The following ZFHX3 variants were observed in gnomAD, a reference collection of about 807,000 sequenced individuals.
ZFHX3 encodes the protein zinc finger homeobox protein 3.
A neutral mutation model predicts 279.1 loss-of-function variants in ZFHX3; 42 were observed. The ratio of observed to expected loss-of-function variants is 0.15; its 90% CI spans 0.12 to 0.19. The LOEUF is 0.19. Ranked by LOEUF, ZFHX3 falls within the 10% of genes least tolerant of loss-of-function variation. ZFHX3 has a pLI of 1.00. For missense variants in ZFHX3, 4,981 were observed against 4,754.0 expected (o/e 1.05, Z -1.40); for synonymous variants, 2,293 against 1,957.8 (o/e 1.17, Z -4.52).
intron 4 of ZFHX3, among the ~76,000 whole-genome samples, chr16:73,272,371 G>T (rs540348057): frequency 6.6e-6 from 1 of 152,246 alleles, no homozygotes; most frequent in African/African-American, 2.4e-5. Flanking sequence ...CTGTTAGTCT[G>T]AAAAACAGCT....
chr16:73,264,159 T>C lies in ZFHX3; in HGVS notation c.-1193-7023A>G, dbSNP rs114753286. Among the ~76,000 whole-genome samples, 541 of 152,264 alleles carry C rather than the reference T, an allele frequency of 3.6e-3. 6 individuals carry two copies. The highest frequency in any genetic ancestry group is 0.012 in the African/African-American group (518 of 41,538). ...TCCAGCCTGGGCAACAGAGCAAGAC[T>C]CTATCTGCGGGGAAAAAAGGGCCTG... On this transcript the variant is annotated intron_variant, in intron 4 of 17. Transcript: ENST00000641206.
At chr16:73,562,200 G>A (rs1373732480) in intron 2 of ZFHX3, among the ~76,000 whole-genome samples, 1 of 152,162 alleles carries the variant, frequency 6.6e-6, no homozygotes, top group Non-Finnish European at 1.5e-5. Flanking sequence ...ACCTACCCTA[G>A]GAATTTCTCT....
chr16:73,044,455 T>C (rs748874791), intron 1 of ZFHX3, among the ~76,000 whole-genome samples: 3 of 152,240 alleles, frequency 2.0e-5, no homozygotes, highest in Non-Finnish European at 4.4e-5. Context: ...TTCAGGTTAC[T>C]GACAGGCATC....
intron 2 of ZFHX3, among the ~76,000 whole-genome samples, chr16:73,600,418 CTTT>C (rs34947000): frequency 5.9e-5 from 7 of 119,594 alleles, no homozygotes; most frequent in Admixed American, 8.9e-5. Context: ...GGTCTCTCTA[CTTT>C]TTTTTTTTTT....
intron 1 of ZFHX3, among the ~76,000 whole-genome samples, chr16:73,813,120 C>T (rs948814595): frequency 6.6e-6 from 1 of 152,140 alleles, no homozygotes; most frequent in African/African-American, 2.4e-5. Context: ...ATTCAGCTAC[C>T]ACACTAGGAA....
intron 5 of ZFHX3, among the ~76,000 whole-genome samples, chr16:73,161,135 G>A (rs559927640): frequency 6.6e-6 from 1 of 152,138 alleles, no homozygotes; most frequent in East Asian, 1.9e-4. Flanking sequence ...ACCATGCCTG[G>A]CTAATCTTTT....
Position 73,200,926 on chromosome 16 carries a change from C to T in ZFHX3, c.-1104+56121G>A, listed in dbSNP as rs569518759. Among the ~76,000 whole-genome samples the T allele has an allele frequency of 3.3e-5, 5 of 152,272 alleles. No homozygotes were observed. In the East Asian group the frequency reaches 7.7e-4, roughly 23 times the overall value. On this transcript the variant is annotated intron_variant, in intron 5 of 17. Transcript: ENST00000641206. ...CACCCAATTTTCCAATGCCTTGGGA[C>T]GTACTGAGATAATTGTAATGAACAT...
At chr16:73,861,385 A>T (rs781611581) in intron 1 of ZFHX3, among the ~76,000 whole-genome samples, 13 of 152,176 alleles carry the variant, frequency 8.5e-5, no homozygotes, top group Non-Finnish European at 1.3e-4. Flanking sequence ...GGGAAAAATG[A>T]TCTTTAATAC....
intron 7 of ZFHX3, among the ~76,000 whole-genome samples, chr16:72,802,302 C>A (rs1460246345): frequency 6.6e-6 from 1 of 152,076 alleles, no homozygotes; most frequent in Non-Finnish European, 1.5e-5. Flanking sequence ...ACCAATTCAT[C>A]AGCCCTCTGT....
intron 2 of ZFHX3, among the ~76,000 whole-genome samples, chr16:73,588,702 C>CAAAAAAAAAAAAAA (rs35658515): frequency 5.3e-5 from 3 of 56,404 alleles, no homozygotes; most frequent in East Asian, 6.5e-4. Context: ...AAACAAAAAA[C>CAAAAAAAAAAAAAA]AAAACAAAAA....
At chr16:73,495,229 T>A (rs2019122610) in intron 2 of ZFHX3, among the ~76,000 whole-genome samples, 1 of 152,206 alleles carries the variant, frequency 6.6e-6, no homozygotes, top group South Asian at 2.1e-4. Flanking sequence ...AGTTTTCAAA[T>A]GTAATAAACA....
Position 72,884,653 on chromosome 16 carries a change from C to T in ZFHX3, c.3448+5078G>A, listed in dbSNP as rs183429559. On this transcript the variant is annotated intron_variant, in intron 4 of 9. Coordinates refer to ENST00000268489, the MANE Select transcript of ZFHX3 (RefSeq NM_006885.4). ...ACAGGAGGAGGAGAAGGAGAAAGGCCGACAGCAGAAACACAAAGGGCCTGT... is the reference window on the plus strand; with the variant it reads ...ACAGGAGGAGGAGAAGGAGAAAGGCTGACAGCAGAAACACAAAGGGCCTGT... 2.8e-3 allele frequency among the ~76,000 whole-genome samples: 419 copies of T among 152,174 alleles called. 1 individual carries two copies. Among genetic ancestry groups the T allele is most frequent in the Middle Eastern group, 0.024 (7 of 294 alleles).
intron 3 of ZFHX3, among the ~76,000 whole-genome samples, chr16:72,922,535 A>G: frequency 6.6e-6 from 1 of 152,150 alleles, no homozygotes; most frequent in East Asian, 1.9e-4. Context: ...CTTTAGCGTC[A>G]CAGAAAGAAA....
Position 73,768,853 on chromosome 16 carries a change from C to T in ZFHX3, c.-1607-88613G>A, listed in dbSNP as rs1179370410. ...ACTGAGAGAAACTGAAAGCTGTACT[C>T]ATACAAGCTAGGAAACTGACTATTC... On this transcript the variant is annotated intron_variant, in intron 1 of 17. Coordinates refer to the ZFHX3 transcript ENST00000641206. 2.6e-5 allele frequency among the ~76,000 whole-genome samples: 4 copies of T among 152,120 alleles called. No homozygotes were observed. In the East Asian group the frequency reaches 5.8e-4, roughly 22 times the overall value.
intron 2 of ZFHX3, among the ~76,000 whole-genome samples, chr16:73,486,439 T>A (rs1313147767): frequency 3.0e-5 from 4 of 132,326 alleles, no homozygotes; most frequent in Non-Finnish European, 6.3e-5. Context: ...CCTTGCTTTG[T>A]TTGTGTGTGT....
intron 1 of ZFHX3, among the ~76,000 whole-genome samples, chr16:73,724,648 G>T (rs746039083): frequency 1.3e-5 from 2 of 152,208 alleles, no homozygotes; most frequent in African/African-American, 4.8e-5. Context: ...GCCACATTCT[G>T]TCTAGGGCAC....
At chr16:73,264,716 C>G (rs2013920637) in intron 4 of ZFHX3, among the ~76,000 whole-genome samples, 1 of 152,138 alleles carries the variant, frequency 6.6e-6, no homozygotes, top group South Asian at 2.1e-4. Context: ...GTTTCTAGTC[C>G]TTTATCTCTT....
intron 1 of ZFHX3, among the ~76,000 whole-genome samples, chr16:72,998,000 T>C (rs903557680): frequency 1.3e-5 from 2 of 152,138 alleles, no homozygotes; most frequent in Non-Finnish European, 2.9e-5. Flanking sequence ...GAGAATTGCT[T>C]GAGCCTGGGA....
intron 5 of ZFHX3, among the ~76,000 whole-genome samples, chr16:73,170,223 G>GTTTTTTTTTTTTTTTTTTTTTTTTTT (rs1156523996): frequency 6.9e-5 from 4 of 57,746 alleles, no homozygotes; most frequent in Non-Finnish European, 8.8e-5. Context: ...CCTTTCACTA[G>GTTTTTTTTTTTTTTTTTTTTTTTTTT]TTTTTTTTTT....
Sources: gnomAD v4.1 joint callset for allele counts (sites outside exome capture counted in the v4.1 genomes callset) on GRCh38, gnomAD v4.1.1 for gene constraint, MANE v1.5 for transcripts, NCBI Gene and HGNC (gene_info 2026-07-23, HGNC 2026-07-21) for gene names.